Variants in TMCC1 observed in about 807,000 individuals in gnomAD.
The protein encoded by TMCC1 is transmembrane and coiled-coil domain family 1.
In TMCC1, 15 loss-of-function variants were observed where a neutral mutation model predicts 52.4. The observed-to-expected ratio is 0.29, with a 90% CI of 0.19 to 0.44. TMCC1 has a LOEUF of 0.44. Among genes scored for constraint, TMCC1 ranks in the 20% least tolerant of loss-of-function variants. TMCC1 has a pLI of 1.00. For synonymous variants in TMCC1, 279 were observed against 301.9 expected (o/e 0.92, Z 0.79); for missense variants, 503 against 806.0 (o/e 0.62, Z 4.55).
At chr3:129,795,001 C>T (rs558093645) in intron 4 of TMCC1, among the ~76,000 whole-genome samples, 8 of 152,252 alleles carry the variant, frequency 5.3e-5, no homozygotes, top group Non-Finnish European at 5.9e-5. Flanking sequence ...CAGCTGGGCT[C>T]GGCAGCTGTG....
At chr3:129,685,492 T>C (rs991172561) in intron 4 of TMCC1, among the ~76,000 whole-genome samples, 3 of 151,632 alleles carry the variant, frequency 2.0e-5, no homozygotes, top group African/African-American at 7.3e-5. Context: ...TAGTATCTGA[T>C]ACAGAAAGGG....
rs145467222 is a variant in TMCC1, at chr3:129,840,698, G to T, written c.-183-7872C>A. On this transcript the variant is annotated intron_variant, in intron 2 of 6. Transcript: ENST00000393238. ...TCTGATTGTTTAAAAGTATGTGACAGTTCCCCACCCCACTCCTGCTGCCAT... is the reference window on the plus strand; with the variant it reads ...TCTGATTGTTTAAAAGTATGTGACATTTCCCCACCCCACTCCTGCTGCCAT... Among the ~76,000 whole-genome samples the T allele has an allele frequency of 2.0e-5, 3 of 152,278 alleles. No individual in the cohort carries two copies. In the East Asian group the frequency reaches 5.8e-4, roughly 29 times the overall value.
intron 4 of TMCC1, among the ~76,000 whole-genome samples, chr3:129,764,403 T>C (rs1223592978): frequency 6.6e-6 from 1 of 152,180 alleles, no homozygotes. Flanking sequence ...TGATAGTCCA[T>C]ACAAGGCCAT....
rs919602107 is a variant in TMCC1 at position 129,648,758 on chromosome 3, G to A, written c.*2723C>T. 2.0e-5 allele frequency: 3 copies of A among 151,776 alleles called. No individual in the cohort carries two copies. The East Asian group carries it at 5.8e-4, about 29-fold the overall frequency. The allele number at this position is 151,776 out of a possible 1,614,324, so 9.4% of individuals were successfully genotyped here. A position where few individuals can be genotyped will look rare whatever the true frequency, so the allele number is the denominator to read the frequency against. ...CCAGAACAACTGTTAAGCCATTAGA[G>A]CGAGGTTATAGAAGAGCTCTGACAA... is the stretch of plus-strand genomic sequence containing the variant. On this transcript the variant is annotated 3_prime_UTR_variant, in exon 7 of 7. Coordinates refer to ENST00000393238, the MANE Select transcript of TMCC1 (RefSeq NM_001017395.5).
At chr3:129,870,155 A>T (rs773461999) in intron 2 of TMCC1, among the ~76,000 whole-genome samples, 6 of 152,056 alleles carry the variant, frequency 3.9e-5, no homozygotes, top group Non-Finnish European at 7.4e-5. Context: ...AAGAAATCAC[A>T]TGTACCTATC....
At chr3:129,756,486 C>T (rs1021990104) in intron 4 of TMCC1, among the ~76,000 whole-genome samples, 1 of 152,100 alleles carries the variant, frequency 6.6e-6, no homozygotes, top group Non-Finnish European at 1.5e-5. Context: ...GCAACCTTCG[C>T]CTCCCAGGTT....
chr3:129,673,804 T>C (rs563996056), intron 4 of TMCC1, among the ~76,000 whole-genome samples: 36 of 149,534 alleles, frequency 2.4e-4, no homozygotes, highest in African/African-American at 7.6e-4. Context: ...TGAGCCATGA[T>C]TGTATTTGAT....
intron 4 of TMCC1, among the ~76,000 whole-genome samples, chr3:129,806,735 A>G (rs1477295450): frequency 6.6e-6 from 1 of 152,208 alleles, no homozygotes; most frequent in African/African-American, 2.4e-5. Context: ...AAACAAATAT[A>G]TAAAACAAGA....
At chr3:129,890,416 A>C (rs1295706944) in intron 1 of TMCC1, among the ~76,000 whole-genome samples, 3 of 152,262 alleles carry the variant, frequency 2.0e-5, no homozygotes, top group Non-Finnish European at 4.4e-5. Flanking sequence ...ATGTGAGCCC[A>C]AAGAAGTAAA....
At chr3:129,841,860 C>T (rs191154005) in intron 2 of TMCC1, among the ~76,000 whole-genome samples, 13 of 152,286 alleles carry the variant, frequency 8.5e-5, no homozygotes, top group African/African-American at 2.9e-4. Context: ...GACTTACTTT[C>T]CCTTCTGCCA....
At chr3:129,714,520 T>C (rs1377230706) in intron 4 of TMCC1, among the ~76,000 whole-genome samples, 1 of 152,192 alleles carries the variant, frequency 6.6e-6, no homozygotes, top group Non-Finnish European at 1.5e-5. Flanking sequence ...GGAATGCCAA[T>C]ATAAAGGTAG....
chr3:129,743,484 A>G (rs548790583), intron 4 of TMCC1, among the ~76,000 whole-genome samples: 6 of 152,270 alleles, frequency 3.9e-5, no homozygotes, highest in Non-Finnish European at 7.4e-5. Flanking sequence ...TTAAGCAGCT[A>G]CCCCTCTATA....
intron 4 of TMCC1, chr3:129,688,465 G>T (rs773652180): frequency 2.1e-5 from 21 of 985,342 alleles, no homozygotes; most frequent in African/African-American, 3.5e-5. Flanking sequence ...TGGATCCCTG[G>T]GCTTCTCACC....
intron 4 of TMCC1, among the ~76,000 whole-genome samples, chr3:129,735,254 C>T (rs2050860165): frequency 6.6e-6 from 1 of 152,072 alleles, no homozygotes; most frequent in East Asian, 1.9e-4. Context: ...ACTATGAGAA[C>T]ATATATACAT....
chr3:129,687,026 T>C (rs1022026971), intron 4 of TMCC1, among the ~76,000 whole-genome samples: 1 of 152,248 alleles, frequency 6.6e-6, no homozygotes, highest in Non-Finnish European at 1.5e-5. Flanking sequence ...TTTGATCATC[T>C]TACCAAAAAG....
Position 129,670,746 on chromosome 3 carries a change from T to C in TMCC1, c.1095A>G (p.Val365=), listed in dbSNP as rs774676830. The change falls in exon 5 of 7, where the codon GTA becomes GTG. Residue 365 remains valine (V), a synonymous_variant. Transcript: ENST00000393238. ...SQATHSAAGA[V]VSKPREIASL... is the part of the protein sequence containing the mutation. Reference sequence around the variant, plus strand: ...AGGCAATCTCTCTGGGCTTTGAGACTACAGCGCCTGCTGCTGAATGGGTGG... The same window carrying C: ...AGGCAATCTCTCTGGGCTTTGAGACCACAGCGCCTGCTGCTGAATGGGTGG... The C allele has an allele frequency of 6.2e-7, 1 of 1,614,204 alleles. No individual in the cohort carries two copies. Among genetic ancestry groups the C allele is most frequent in the Non-Finnish European group, 8.5e-7 (1 of 1,180,032 alleles).
At chr3:129,782,272 A>G (rs1417554842) in intron 4 of TMCC1, among the ~76,000 whole-genome samples, 2 of 152,184 alleles carry the variant, frequency 1.3e-5, no homozygotes, top group Non-Finnish European at 2.9e-5. Flanking sequence ...AACTGAGCCT[A>G]GGCCACAGCA....
At chr3:129,858,880 C>T (rs2060258765) in intron 2 of TMCC1, among the ~76,000 whole-genome samples, 1 of 152,148 alleles carries the variant, frequency 6.6e-6, no homozygotes, top group African/African-American at 2.4e-5. Context: ...TATTCATAGG[C>T]ATAGGTCAAA....
chr3:129,666,672 G>A (rs973420955), intron 5 of TMCC1, among the ~76,000 whole-genome samples: 3 of 151,972 alleles, frequency 2.0e-5, no homozygotes, highest in South Asian at 2.1e-4. Flanking sequence ...CCCAGGAGGC[G>A]GAGGTTGCAG....
Sources: gnomAD v4.1 joint callset for allele counts (sites outside exome capture counted in the v4.1 genomes callset) on GRCh38, gnomAD v4.1.1 for gene constraint, MANE v1.5 for transcripts, NCBI Gene and HGNC (gene_info 2026-07-23, HGNC 2026-07-21) for gene names.